IMMP2L: variants seen among roughly 807,000 people sequenced by gnomAD.
The protein encoded by IMMP2L is inner mitochondrial membrane peptidase subunit 2, also known as mitochondrial inner membrane protease subunit 2.
A neutral mutation model predicts 19.3 loss-of-function variants in IMMP2L; 18 were observed. The ratio of observed to expected loss-of-function variants is 0.93; its 90% CI spans 0.64 to 1.38. The LOEUF (loss-of-function observed/expected upper bound fraction) is 1.38. Ranked by LOEUF, IMMP2L falls within the 40% of genes most tolerant of loss-of-function variation. The pLI is 0.00. For synonymous variants in IMMP2L, 76 were observed against 73.0 expected (o/e 1.04, Z -0.21); for missense variants, 233 against 218.2 (o/e 1.07, Z -0.43).
At chr7:111,187,478 A>T (rs1228610097) in intron 3 of IMMP2L, among the ~76,000 whole-genome samples, 1 of 152,162 alleles carries the variant, frequency 6.6e-6, no homozygotes, top group Non-Finnish European at 1.5e-5. Flanking sequence ...TATTTCAAAC[A>T]TAGTATTGTA....
chr7:111,251,553 C>T (rs375615926), intron 3 of IMMP2L, among the ~76,000 whole-genome samples: 1 of 152,134 alleles, frequency 6.6e-6, no homozygotes, highest in African/African-American at 2.4e-5. Flanking sequence ...ACATGGAATA[C>T]TATGCAGCCA....
intron 5 of IMMP2L, among the ~76,000 whole-genome samples, chr7:110,685,817 G>A (rs890511105): frequency 1.3e-5 from 2 of 151,980 alleles, no homozygotes; most frequent in Admixed American, 6.6e-5. Flanking sequence ...ACATCCCTAT[G>A]AGACCTTTGC....
intron 3 of IMMP2L, among the ~76,000 whole-genome samples, chr7:110,985,304 A>G (rs1821740399): frequency 6.6e-6 from 1 of 152,114 alleles, no homozygotes; most frequent in African/African-American, 2.4e-5. Context: ...GAAAACTAAT[A>G]TAGGCCAGTT....
chr7:110,831,313 T>G (rs569710380), intron 5 of IMMP2L, among the ~76,000 whole-genome samples: 103 of 152,256 alleles, frequency 6.8e-4, no homozygotes, highest in African/African-American at 2.4e-3. Flanking sequence ...TTTGTGTGAT[T>G]ACATTAAATA....
intron 3 of IMMP2L, among the ~76,000 whole-genome samples, chr7:111,294,632 A>G (rs1358477185): frequency 2.0e-5 from 3 of 151,836 alleles, no homozygotes; most frequent in Non-Finnish European, 3.0e-5. Flanking sequence ...ATGACTCACA[A>G]TGATTTCCTA....
chr7:111,224,704 T>C (rs1372692313), intron 3 of IMMP2L, among the ~76,000 whole-genome samples: 2 of 152,094 alleles, frequency 1.3e-5, no homozygotes, highest in Non-Finnish European at 2.9e-5. Context: ...ATTTTCATAA[T>C]GATATTAAAA....
At chr7:110,858,822 CA>C (rs1453928381) in intron 5 of IMMP2L, among the ~76,000 whole-genome samples, 1 of 151,664 alleles carries the variant, frequency 6.6e-6, no homozygotes, top group African/African-American at 2.4e-5. Context: ...TCTCATTCTT[CA>C]ATTCCCACCT....
intron 5 of IMMP2L, among the ~76,000 whole-genome samples, chr7:110,671,201 T>G (rs1451008087): frequency 6.6e-6 from 1 of 152,218 alleles, no homozygotes; most frequent in African/African-American, 2.4e-5. Context: ...GATTGGAAAT[T>G]CATAATCTAG....
chr7:110,748,845 A>G (rs2038645490), intron 5 of IMMP2L, among the ~76,000 whole-genome samples: 1 of 152,204 alleles, frequency 6.6e-6, no homozygotes, highest in South Asian at 2.1e-4. Context: ...ATGGGCAAAG[A>G]CTTCATGACT....
At chr7:110,781,542 A>T (rs530585514) in intron 5 of IMMP2L, among the ~76,000 whole-genome samples, 127 of 151,850 alleles carry the variant, frequency 8.4e-4, no homozygotes, top group South Asian at 4.2e-4. Flanking sequence ...GAGTCAGTAT[A>T]TTTTTTCTGA....
intron 3 of IMMP2L, among the ~76,000 whole-genome samples, chr7:111,031,631 C>T (rs767543219): frequency 1.8e-4 from 27 of 151,974 alleles, no homozygotes; most frequent in Admixed American, 3.3e-4. Context: ...GTATATCCAA[C>T]GGAGGAAATC....
At chr7:111,433,941 C>A (rs927811487) in intron 3 of IMMP2L, among the ~76,000 whole-genome samples, 5 of 151,608 alleles carry the variant, frequency 3.3e-5, no homozygotes, top group Admixed American at 1.3e-4. Context: ...TTAGAGAAAA[C>A]AATCCTAAAA....
intron 1 of IMMP2L, among the ~76,000 whole-genome samples, chr7:111,535,193 G>A (rs1847771529): frequency 6.6e-6 from 1 of 152,050 alleles, no homozygotes; most frequent in African/African-American, 2.4e-5. Flanking sequence ...TTTCAGGAAT[G>A]CATGTATGTC....
At chr7:111,301,408 C>T (rs1197779796) in intron 3 of IMMP2L, among the ~76,000 whole-genome samples, 6 of 150,904 alleles carry the variant, frequency 4.0e-5, no homozygotes, top group Admixed American at 2.6e-4. Context: ...TTTCTCCAAG[C>T]CTGCAGCTTT....
At chr7:110,890,523 G>A (rs1276972832) in intron 4 of IMMP2L, among the ~76,000 whole-genome samples, 1 of 152,076 alleles carries the variant, frequency 6.6e-6, no homozygotes. Context: ...GTCCCTTTTA[G>A]GACTGCCAAA....
intron 3 of IMMP2L, among the ~76,000 whole-genome samples, chr7:111,209,345 T>C (rs916875920): frequency 2.1e-5 from 3 of 141,426 alleles, no homozygotes; most frequent in African/African-American, 5.3e-5. Context: ...TGCAGTGAGC[T>C]GAGATCATGC....
At chr7:111,079,310 G>A (rs1795685071) in intron 3 of IMMP2L, among the ~76,000 whole-genome samples, 1 of 150,948 alleles carries the variant, frequency 6.6e-6, no homozygotes, top group Admixed American at 6.6e-5. Context: ...GTAGAGACGG[G>A]GTTTCACCGT....
intron 3 of IMMP2L, among the ~76,000 whole-genome samples, chr7:111,432,805 A>T (rs776069158): frequency 6.6e-6 from 1 of 151,520 alleles, no homozygotes; most frequent in Non-Finnish European, 1.5e-5. Flanking sequence ...AACCCTAAAG[A>T]TTCCACCAAA....
At chr7:111,021,775 C>G (rs536835258) in intron 3 of IMMP2L, among the ~76,000 whole-genome samples, 1 of 152,252 alleles carries the variant, frequency 6.6e-6, no homozygotes, top group South Asian at 2.1e-4. Flanking sequence ...CCCAGCTACT[C>G]AGGAGGCTGA....
Sources: gnomAD v4.1 joint callset for allele counts (sites outside exome capture counted in the v4.1 genomes callset) on GRCh38, gnomAD v4.1.1 for gene constraint, MANE v1.5 for transcripts, NCBI Gene and HGNC (gene_info 2026-07-23, HGNC 2026-07-21) for gene names.